Variants in DNAH11 observed in about 807,000 individuals in gnomAD.
The protein encoded by DNAH11 is dynein axonemal heavy chain 11.
A neutral mutation model predicts 526.0 loss-of-function variants in DNAH11; 442 were observed. The ratio of observed to expected loss-of-function variants is 0.84; its 90% CI spans 0.78 to 0.91. The LOEUF is 0.91. DNAH11 is among the 40% of genes least tolerant of loss of function. The pLI, the probability that DNAH11 is intolerant of heterozygous loss-of-function variation, is 0.00. For missense variants in DNAH11, 6,989 were observed against 5,448.7 expected (o/e 1.28, Z -8.90); for synonymous variants, 2,461 against 1,935.9 (o/e 1.27, Z -7.12).
rs771068991 is a variant in DNAH11, at chr7:21,873,466, G to A, written c.12160G>A (p.Ala4054Thr). ...ITNEPPTGML[A>T]NLHAALYNFD... Reference sequence around the variant, plus strand: ...TAATGAACCCCCAACAGGGATGCTGGCCAATTTGCATGCCGCCCTGTACAA... The same window carrying A: ...TAATGAACCCCCAACAGGGATGCTGACCAATTTGCATGCCGCCCTGTACAA... The change falls in exon 74 of 82, where the codon GCC becomes ACC. Residue 4054 changes from alanine (A) to threonine (T), a missense_variant. Coordinates refer to ENST00000409508, the MANE Select transcript of DNAH11 (RefSeq NM_001277115.2). 7 of 1,613,928 alleles carry A rather than the reference G, an allele frequency of 4.3e-6. No individual in the cohort carries two copies. In the South Asian group the frequency reaches 4.4e-5, roughly 10 times the overall value.
At chr7:21,570,356 G>A (rs1458889454) in intron 7 of DNAH11, 57 bp downstream of exon 7, 3 of 1,369,786 alleles carry the variant, frequency 2.2e-6, no homozygotes, top group Middle Eastern at 2.5e-4. Context: ...AAAGCCAGTA[G>A]CTTTTCACAT....
At chr7:21,782,919 AAAAG>A (rs201885292) in intron 57 of DNAH11, among the ~76,000 whole-genome samples, 17,901 of 73,814 alleles carry the variant, frequency 0.24, 1,251 homozygotes, top group East Asian at 0.37. Flanking sequence ...AAAAAAAAAA[AAAAG>A]AAAGAAAGAA....
intron 8 of DNAH11, among the ~76,000 whole-genome samples, chr7:21,572,890 T>C (rs981403285): frequency 1.3e-5 from 2 of 152,184 alleles, no homozygotes; most frequent in Non-Finnish European, 2.9e-5. Flanking sequence ...TGATGAATAA[T>C]TTGAGTGAGC....
intron 30 of DNAH11, among the ~76,000 whole-genome samples, chr7:21,674,648 T>C (rs918242404): frequency 6.6e-6 from 1 of 152,086 alleles, no homozygotes; most frequent in African/African-American, 2.4e-5. Flanking sequence ...CCCTTTTCTT[T>C]TCCTCTTTTC....
intron 54 of DNAH11, among the ~76,000 whole-genome samples, chr7:21,757,758 C>A (rs1324525563): frequency 6.6e-6 from 1 of 152,102 alleles, no homozygotes; most frequent in African/African-American, 2.4e-5. Flanking sequence ...AGACTCTCAA[C>A]AAAAAATGTC....
At chr7:21,761,158 G>C (rs1404031216) in intron 54 of DNAH11, among the ~76,000 whole-genome samples, 1 of 152,088 alleles carries the variant, frequency 6.6e-6, no homozygotes, top group Admixed American at 6.5e-5. Context: ...TGGGTTTCTG[G>C]AAAAATCTCA....
At chr7:21,704,666 A>G (rs1583610724) in intron 38 of DNAH11, 38 bp downstream of exon 38, 2 of 1,574,214 alleles carry the variant, frequency 1.3e-6, no homozygotes, top group Non-Finnish European at 1.7e-6. Flanking sequence ...AGCTGTTGGG[A>G]TTGTCAGTGG....
At chr7:21,887,018 G>A (rs1261832970) in intron 76 of DNAH11, among the ~76,000 whole-genome samples, 1 of 152,166 alleles carries the variant, frequency 6.6e-6, no homozygotes, top group African/African-American at 2.4e-5. Context: ...TGTTTATGCT[G>A]TTTATATGAT....
chr7:21,732,929 G>A (rs1785441821), intron 45 of DNAH11, among the ~76,000 whole-genome samples: 1 of 152,218 alleles, frequency 6.6e-6, no homozygotes, highest in Non-Finnish European at 1.5e-5. Context: ...ACTGGGCCAT[G>A]TGCCACCTGT....
intron 12 of DNAH11, among the ~76,000 whole-genome samples, chr7:21,590,564 G>A (rs534018214): frequency 6.6e-6 from 1 of 152,144 alleles, no homozygotes; most frequent in Non-Finnish European, 1.5e-5. Flanking sequence ...ATTCTGATCT[G>A]TTTCCCTAAA....
At chr7:21,663,312 A>T (rs533400292) in intron 30 of DNAH11, among the ~76,000 whole-genome samples, 34 of 152,228 alleles carry the variant, frequency 2.2e-4, no homozygotes, top group African/African-American at 7.9e-4. Flanking sequence ...TTCTGATGCA[A>T]TGACTTATTT....
chr7:21,771,546 C>T (rs1036349324), intron 55 of DNAH11, among the ~76,000 whole-genome samples: 1 of 152,168 alleles, frequency 6.6e-6, no homozygotes, highest in African/African-American at 2.4e-5. Context: ...TGAGGGAAAG[C>T]AGTTTCATCT....
chr7:21,764,126 C>T (rs1787059302), intron 54 of DNAH11, among the ~76,000 whole-genome samples: 1 of 152,098 alleles, frequency 6.6e-6, no homozygotes, highest in Non-Finnish European at 1.5e-5. Flanking sequence ...CAGCGCTGGA[C>T]TTACAGTTAA....
chr7:21,862,120 G>T (rs878880767), intron 69 of DNAH11, 97 bp downstream of exon 69: 18 of 1,011,464 alleles, frequency 1.8e-5, no homozygotes, highest in Non-Finnish European at 2.3e-5. Flanking sequence ...AAATATAATA[G>T]ACTTTTTTTT....
chr7:21,874,417 C>A (rs1783624203), intron 74 of DNAH11, among the ~76,000 whole-genome samples: 1 of 151,896 alleles, frequency 6.6e-6, no homozygotes, highest in African/African-American at 2.4e-5. Context: ...CTCACTGCAA[C>A]CTCAGCCTCC....
intron 75 of DNAH11, among the ~76,000 whole-genome samples, chr7:21,881,636 C>A (rs1260665303): frequency 2.0e-5 from 3 of 152,184 alleles, no homozygotes; most frequent in Non-Finnish European, 4.4e-5. Flanking sequence ...ATACATGTGT[C>A]AAAACCAGTC....
At chr7:21,662,604 T>C (rs907950636) in intron 30 of DNAH11, among the ~76,000 whole-genome samples, 2 of 152,166 alleles carry the variant, frequency 1.3e-5, no homozygotes, top group African/African-American at 4.8e-5. Context: ...TCACTTTTTT[T>C]TGTGGTAAGA....
chr7:21,696,184 T>G (rs1304790254), intron 35 of DNAH11, among the ~76,000 whole-genome samples: 1 of 151,792 alleles, frequency 6.6e-6, no homozygotes, highest in Non-Finnish European at 1.5e-5. Flanking sequence ...TGTCTACAGT[T>G]TTTAGTGTGA....
intron 65 of DNAH11, among the ~76,000 whole-genome samples, chr7:21,830,851 A>G (rs1708835687): frequency 6.6e-6 from 1 of 152,250 alleles, no homozygotes; most frequent in South Asian, 2.1e-4. Flanking sequence ...ATAGGTACTC[A>G]GTACAAATAT....
Sources: gnomAD v4.1 joint callset for allele counts (sites outside exome capture counted in the v4.1 genomes callset) on GRCh38, gnomAD v4.1.1 for gene constraint, MANE v1.5 for transcripts, NCBI Gene and HGNC (gene_info 2026-07-23, HGNC 2026-07-21) for gene names.